The following GPHN variants were observed in gnomAD, a reference collection of about 807,000 sequenced individuals.
GPHN encodes the protein gephyrin.
Under a neutral mutation model 95.5 loss-of-function variants are expected in GPHN, and 17 were observed. That is an observed-to-expected ratio of 0.18 (90% CI 0.12 to 0.27). The LOEUF is 0.27. GPHN is among the 10% of genes least tolerant of loss of function. GPHN has a pLI of 1.00. For synonymous variants in GPHN, 320 were observed against 322.5 expected (o/e 0.99, Z 0.08); for missense variants, 660 against 978.1 (o/e 0.67, Z 4.34).
chr14:66,671,327 T>C (rs968807637), intron 1 of GPHN, among the ~76,000 whole-genome samples: 6 of 152,202 alleles, frequency 3.9e-5, no homozygotes, highest in African/African-American at 7.2e-5. Context: ...AATAGACTTA[T>C]GGAAATTTCC....
At position 66,959,119 on chromosome 14, in the gene GPHN, T is replaced by C. The variant is rs565506470; in HGVS notation, c.829-6072T>C. On this transcript the variant is annotated intron_variant, in intron 8 of 22. Transcript: ENST00000478722. ...TTCATACCTTGTCCACTACTTACGTTATTATTTTCATAAATTACCTATCAA... is the reference window on the plus strand; with the variant it reads ...TTCATACCTTGTCCACTACTTACGTCATTATTTTCATAAATTACCTATCAA... Among the ~76,000 whole-genome samples the C allele has an allele frequency of 2.0e-3, 308 of 152,268 alleles. 2 individuals carry two copies. Among genetic ancestry groups the C allele is most frequent in the African/African-American group, 7.2e-3 (299 of 41,590 alleles).
the GPHN span, among the ~76,000 whole-genome samples, chr14:67,462,198 G>T: frequency 6.6e-6 from 1 of 152,170 alleles, no homozygotes. Context: ...GGAGTGTGAG[G>T]GTTAAAGATA....
intron 1 of GPHN, among the ~76,000 whole-genome samples, chr14:66,593,114 C>G (rs117384442): frequency 0.013 from 2,018 of 152,156 alleles, 24 homozygotes; most frequent in Non-Finnish European, 0.018. Context: ...CACATGGACA[C>G]AGGGCGTGGA....
chr14:66,777,093 AAAAG>A (rs1324919429), intron 3 of GPHN, among the ~76,000 whole-genome samples: 3 of 152,048 alleles, frequency 2.0e-5, no homozygotes, highest in African/African-American at 4.8e-5. Flanking sequence ...TAAAAAAAAA[AAAAG>A]AGAGAAGAAT....
At chr14:66,583,188 G>A (rs1001849704) in intron 1 of GPHN, among the ~76,000 whole-genome samples, 4 of 152,070 alleles carry the variant, frequency 2.6e-5, no homozygotes, top group South Asian at 4.2e-4. Flanking sequence ...GTCTTCTTTT[G>A]AGAAGTGTCT....
At chr14:66,995,983 G>A (rs957963506) in intron 9 of GPHN, among the ~76,000 whole-genome samples, 1 of 151,958 alleles carries the variant, frequency 6.6e-6, no homozygotes, top group Non-Finnish European at 1.5e-5. Context: ...TTTTAGCAAG[G>A]TATTTTTTGT....
intron 8 of GPHN, among the ~76,000 whole-genome samples, chr14:66,939,222 T>G (rs1013261365): frequency 6.6e-6 from 1 of 152,130 alleles, no homozygotes; most frequent in Non-Finnish European, 1.5e-5. Context: ...ATCCAAAGAT[T>G]CTATGAACAG....
intron 18 of GPHN, 60 bp downstream of exon 18, chr14:67,143,509 T>A: frequency 9.5e-7 from 1 of 1,051,602 alleles, no homozygotes; most frequent in East Asian, 2.4e-5. Flanking sequence ...TATGGTCGAT[T>A]AACTGTGGTC....
chr14:66,578,087 G>A (rs974081361), intron 1 of GPHN, among the ~76,000 whole-genome samples: 4 of 151,832 alleles, frequency 2.6e-5, no homozygotes, highest in African/African-American at 9.7e-5. Context: ...AATTTTGGAA[G>A]ATTGTAAATT....
chr14:67,292,533 A>G, the GPHN span: 2 of 1,612,204 alleles, frequency 1.2e-6, no homozygotes, highest in Non-Finnish European at 1.7e-6. Flanking sequence ...TGTTTTCTTC[A>G]CTTAAACATA....
chr14:67,613,674 CAT>C, the GPHN span: 1 of 219,492 alleles, frequency 4.6e-6, no homozygotes, highest in Non-Finnish European at 9.8e-6. Flanking sequence ...CAAGTGTGCA[CAT>C]GTGTTACCCA....
the GPHN span, among the ~76,000 whole-genome samples, chr14:67,405,623 G>T: frequency 6.6e-6 from 1 of 152,166 alleles, no homozygotes; most frequent in Non-Finnish European, 1.5e-5. Context: ...CAGAGTGATG[G>T]TATCCCAATT....
At chr14:67,586,537 TG>T in the GPHN span, 2 of 694,132 alleles carry the variant, frequency 2.9e-6, no homozygotes, top group Non-Finnish European at 4.5e-6. Flanking sequence ...CCCTCTTCCT[TG>T]TTGTGGGGAA....
chr14:67,130,560 C>T (rs1331706357), intron 17 of GPHN, among the ~76,000 whole-genome samples: 1 of 152,104 alleles, frequency 6.6e-6, no homozygotes, highest in Admixed American at 6.6e-5. Context: ...AATAATGCTG[C>T]AATGAACTTA....
chr14:66,654,885 T>C (rs2065229129), intron 1 of GPHN, among the ~76,000 whole-genome samples: 1 of 152,192 alleles, frequency 6.6e-6, no homozygotes, highest in Non-Finnish European at 1.5e-5. Flanking sequence ...CCAGCACCAT[T>C]TGTTGAGTTG....
chr14:67,307,128 T>G, the GPHN span, among the ~76,000 whole-genome samples: 1 of 152,216 alleles, frequency 6.6e-6, no homozygotes, highest in Non-Finnish European at 1.5e-5. Flanking sequence ...GGCTGCTCTT[T>G]CAGTAGCAGA....
At chr14:67,248,817 A>T in the GPHN span, among the ~76,000 whole-genome samples, 1 of 151,844 alleles carries the variant, frequency 6.6e-6, no homozygotes, top group African/African-American at 2.4e-5. Flanking sequence ...TTACATACCA[A>T]CATTTTTATT....
chr14:66,585,335 AC>A, intron 1 of GPHN, among the ~76,000 whole-genome samples: 1 of 151,966 alleles, frequency 6.6e-6, no homozygotes, highest in East Asian at 1.9e-4. Flanking sequence ...TTTTCAAAAA[AC>A]CAGCTCCTGG....
the GPHN span, chr14:67,320,907 CAA>C: frequency 3.1e-6 from 2 of 655,494 alleles, no homozygotes; most frequent in South Asian, 4.1e-5. Context: ...AAAATAAAAA[CAA>C]TGTTAAACAT....
Sources: gnomAD v4.1 joint callset for allele counts (sites outside exome capture counted in the v4.1 genomes callset) on GRCh38, gnomAD v4.1.1 for gene constraint, MANE v1.5 for transcripts, NCBI Gene and HGNC (gene_info 2026-07-23, HGNC 2026-07-21) for gene names.